RANBP2: variants seen among roughly 807,000 people sequenced by gnomAD.
RANBP2 encodes RAN binding protein 2.
Under a neutral mutation model 303.6 loss-of-function variants are expected in RANBP2, and 57 were observed. The observed-to-expected ratio is 0.19, with a 90% CI of 0.15 to 0.23. The LOEUF is 0.23. Among genes scored for constraint, RANBP2 ranks in the 10% least tolerant of loss-of-function variants. The pLI is 1.00. For synonymous variants in RANBP2, 1,167 were observed against 1,301.5 expected (o/e 0.90, Z 2.23); for missense variants, 3,138 against 3,780.8 (o/e 0.83, Z 4.46).
chr2:108,906,855 C>T, the RANBP2 span, among the ~76,000 whole-genome samples: 1 of 152,212 alleles, frequency 6.6e-6, no homozygotes, highest in African/African-American at 2.4e-5. Context: ...AGGGTCTCTG[C>T]AAGTGGCAGC....
the RANBP2 span, among the ~76,000 whole-genome samples, chr2:109,531,117 C>T: frequency 2.0e-5 from 3 of 152,148 alleles, no homozygotes; most frequent in Non-Finnish European, 2.9e-5. Context: ...GAGCAGAGCA[C>T]AGAGCCAGGC....
chr2:109,429,871 C>G, the RANBP2 span, among the ~76,000 whole-genome samples: 2 of 152,200 alleles, frequency 1.3e-5, no homozygotes, highest in Non-Finnish European at 1.5e-5. Flanking sequence ...CCAAGCTCCA[C>G]GCTGTGCAGG....
At chr2:109,499,497 G>A in the RANBP2 span, among the ~76,000 whole-genome samples, 2 of 152,172 alleles carry the variant, frequency 1.3e-5, no homozygotes, top group Non-Finnish European at 2.9e-5. Flanking sequence ...AAAAGGGCTG[G>A]GGGTGCAGGG....
At chr2:109,739,955 C>T in the RANBP2 span, among the ~76,000 whole-genome samples, 2 of 148,550 alleles carry the variant, frequency 1.3e-5, no homozygotes, top group Admixed American at 1.3e-4. Context: ...TACTCTGTTA[C>T]TCTGCTGTTA....
At chr2:109,646,570 C>G in the RANBP2 span, among the ~76,000 whole-genome samples, 6 of 151,826 alleles carry the variant, frequency 4.0e-5, no homozygotes, top group African/African-American at 1.5e-4. Context: ...CGGCTCACTG[C>G]AAACTCTGCC....
the RANBP2 span, among the ~76,000 whole-genome samples, chr2:109,329,798 A>G: frequency 6.6e-6 from 1 of 152,258 alleles, no homozygotes; most frequent in African/African-American, 2.4e-5. Context: ...CCTCACTTTC[A>G]GCCCACCTTC....
At chr2:109,437,804 G>A in the RANBP2 span, among the ~76,000 whole-genome samples, 1 of 152,238 alleles carries the variant, frequency 6.6e-6, no homozygotes, top group Non-Finnish European at 1.5e-5. Context: ...AAGAAGGTAA[G>A]CACATCTTGG....
At chr2:109,315,144 T>C in the RANBP2 span, among the ~76,000 whole-genome samples, 1 of 152,246 alleles carries the variant, frequency 6.6e-6, no homozygotes. Flanking sequence ...TGTTTTACTT[T>C]ACTGAGTATA....
chr2:108,821,231 G>A, the RANBP2 span, among the ~76,000 whole-genome samples: 1 of 152,074 alleles, frequency 6.6e-6, no homozygotes, highest in Non-Finnish European at 1.5e-5. Flanking sequence ...GGTCATACGT[G>A]CCTGTAATCC....
the RANBP2 span, among the ~76,000 whole-genome samples, chr2:109,431,721 A>T: frequency 1.3e-5 from 2 of 152,074 alleles, no homozygotes; most frequent in African/African-American, 4.8e-5. Flanking sequence ...AAAATAAAAA[A>T]CTTAGCCAGC....
chr2:109,545,444 C>T, the RANBP2 span: 2 of 1,536,044 alleles, frequency 1.3e-6, no homozygotes, highest in Non-Finnish European at 1.7e-6. Context: ...CCCCCTTGCA[C>T]TGTGGCCCTC....
chr2:109,220,665 G>T, the RANBP2 span, among the ~76,000 whole-genome samples: 1 of 152,158 alleles, frequency 6.6e-6, no homozygotes, highest in Non-Finnish European at 1.5e-5. Flanking sequence ...CACATGAAAA[G>T]ATGCTTCATG....
chr2:109,054,232 G>A, the RANBP2 span, among the ~76,000 whole-genome samples: 1 of 152,168 alleles, frequency 6.6e-6, no homozygotes, highest in African/African-American at 2.4e-5. Flanking sequence ...GCTTTTCACA[G>A]AGACAATCTG....
At chr2:109,083,580 C>T in the RANBP2 span, among the ~76,000 whole-genome samples, 1 of 152,124 alleles carries the variant, frequency 6.6e-6, no homozygotes. Flanking sequence ...TTGCTTCTGC[C>T]TCTTTGCTGT....
chr2:109,475,213 G>A, the RANBP2 span, among the ~76,000 whole-genome samples: 81 of 152,218 alleles, frequency 5.3e-4, no homozygotes, highest in Non-Finnish European at 1.0e-3. Flanking sequence ...TCTTGACCTC[G>A]TGATCCACCC....
the RANBP2 span, among the ~76,000 whole-genome samples, chr2:109,150,422 G>A: frequency 4.7e-4 from 71 of 152,178 alleles, no homozygotes; most frequent in African/African-American, 1.3e-3. Context: ...TTATGAGCCT[G>A]GAACTACTCT....
At chr2:109,293,319 G>C in the RANBP2 span, among the ~76,000 whole-genome samples, 2 of 152,364 alleles carry the variant, frequency 1.3e-5, no homozygotes, top group South Asian at 2.1e-4. Flanking sequence ...ATGACAACTT[G>C]TAGGACACAG....
the RANBP2 span, among the ~76,000 whole-genome samples, chr2:109,566,610 C>A: frequency 6.6e-6 from 1 of 152,032 alleles, no homozygotes; most frequent in Non-Finnish European, 1.5e-5. Flanking sequence ...TAAAGTAGTA[C>A]ACAAAGTCCC....
At chr2:108,936,836 G>T in the RANBP2 span, among the ~76,000 whole-genome samples, 2 of 152,226 alleles carry the variant, frequency 1.3e-5, no homozygotes, top group Admixed American at 1.3e-4. Flanking sequence ...GGAGCAGGAG[G>T]AAAGCAGAGA....
Sources: allele counts gnomAD v4.1 joint callset (sites outside exome capture counted in the v4.1 genomes callset), GRCh38; gene constraint gnomAD v4.1.1; transcripts MANE v1.5; gene names NCBI Gene and HGNC (gene_info 2026-07-23, HGNC 2026-07-21).